AHRR: variants seen among roughly 807,000 people sequenced by gnomAD.
AHRR encodes ahR repressor.
AHRR carries 28 observed loss-of-function variants against 44.0 expected under a neutral mutation model. The ratio of observed to expected loss-of-function variants is 0.64; its 90% CI spans 0.47 to 0.87. AHRR has a LOEUF of 0.87. AHRR is among the 40% of genes least tolerant of loss of function. AHRR has a pLI of 0.00. For synonymous variants in AHRR, 434 were observed against 407.0 expected, an observed-to-expected ratio of 1.07 and a Z score of -0.80; for missense variants, 990 against 953.9, an observed-to-expected ratio of 1.04 and a Z score of -0.50.
At chr5:390,142 C>T (rs556131020) in intron 4 of AHRR, among the ~76,000 whole-genome samples, 10 of 152,226 alleles carry the variant, frequency 6.6e-5, no homozygotes, top group South Asian at 2.1e-4. Context: ...TGTGGCACAA[C>T]GCGGGGACTG....
At chr5:385,870 T>A (rs914255521) in intron 4 of AHRR, among the ~76,000 whole-genome samples, 6 of 152,226 alleles carry the variant, frequency 3.9e-5, no homozygotes, top group Admixed American at 3.9e-4. Flanking sequence ...CTTTTTAATA[T>A]TTCCTCACAG....
At position 343,925 on chromosome 5, in the gene AHRR, C is replaced by T. The variant is rs1379775655; in HGVS notation, c.23C>T (p.Thr8Met). ...ACGATGATCCCGCCGGGGGAGTGCA[C>T]GTACGCGGGCCGGAAGCGGAGGAGG... MIPPGEC[T>M]YAGRKRRRPL... The change falls in exon 2 of 11, where the codon ACG (threonine) becomes ATG (methionine). Residue 8 changes from threonine to methionine, a missense_variant. By Grantham distance (81) the Thr-to-Met change is moderately conservative. Coordinates refer to ENST00000684583, the MANE Select transcript of AHRR (RefSeq NM_001377236.1). 1 of 1,600,404 alleles carries T rather than the reference C, an allele frequency of 6.2e-7. No homozygotes were observed. The highest frequency in any genetic ancestry group is 1.7e-5 in the Admixed American group (1 of 59,456).
At chr5:352,194 G>C (rs1397785339) in intron 2 of AHRR, among the ~76,000 whole-genome samples, 2 of 152,270 alleles carry the variant, frequency 1.3e-5, no homozygotes, top group Non-Finnish European at 2.9e-5. Context: ...TGGTTAAATA[G>C]GTCAGCTGTA....
chr5:411,755 TACTGCTG>T lies in AHRR; in HGVS notation c.352-1586_352-1580del, dbSNP rs1427218455. 6.6e-6 allele frequency among the ~76,000 whole-genome samples: 1 copy of T among 152,222 alleles called. No homozygotes were observed. The highest frequency in any genetic ancestry group is 2.4e-5 in the African/African-American group (1 of 41,460). ...ATTTAAGGGAAATTAGTATATAGTA[TACTGCTG>T]ACAGCCACAAACATCATGGGAGTTA... On this transcript the variant is annotated intron_variant, in intron 4 of 10. Coordinates refer to ENST00000684583, the MANE Select transcript of AHRR (RefSeq NM_001377236.1). This position sits in a 1 kb window ranked among gnomAD's most constrained non-coding sequence, Gnocchi z 4.2.
At chr5:373,564 C>T (rs1743652529) in intron 3 of AHRR, among the ~76,000 whole-genome samples, 1 of 152,210 alleles carries the variant, frequency 6.6e-6, no homozygotes, top group African/African-American at 2.4e-5. Flanking sequence ...CCTCCCCATC[C>T]ACTCACCATG....
At chr5:424,860 C>T (rs564748157) in intron 7 of AHRR, among the ~76,000 whole-genome samples, 40 of 152,208 alleles carry the variant, frequency 2.6e-4, no homozygotes, top group Non-Finnish European at 4.6e-4. Context: ...TCCTCCCCAT[C>T]GGACATGTCA....
chr5:389,284 G>T (rs1734304771), intron 4 of AHRR, among the ~76,000 whole-genome samples: 1 of 152,174 alleles, frequency 6.6e-6, no homozygotes. Context: ...TTTAAGGGAA[G>T]AGGCTGTGAA....
intron 6 of AHRR, among the ~76,000 whole-genome samples, chr5:423,557 CA>C (rs61467026): frequency 0.073 from 11,109 of 152,232 alleles, 486 homozygotes; most frequent in Admixed American, 0.13. Flanking sequence ...CAGCAAAGCC[CA>C]GGCACCTACA....
rs1426441989 is a variant in AHRR at position 432,477 on chromosome 5, C to T, written c.923C>T (p.Thr308Ile). 6.2e-7 allele frequency: 1 copy of T among 1,614,198 alleles called. No homozygotes were observed. Among genetic ancestry groups the T allele is most frequent in the Admixed American group, 1.7e-5 (1 of 60,034 alleles). ...ATADAKVKAT[T>I]SLCESELHGK... is the part of the protein sequence containing the mutation. ...GTTCTTCACAGAGTAAAAGCCACCA[C>T]CAGTCTGTGCGAATCGGAACTGCAT... Residue 308 changes from threonine to isoleucine, a missense_variant, in exon 9 of 11, where the codon ACC becomes ATC. Transcript: ENST00000684583.
chr5:355,736 C>T (rs774794787), intron 3 of AHRR, among the ~76,000 whole-genome samples: 3 of 152,222 alleles, frequency 2.0e-5, no homozygotes, highest in Admixed American at 6.5e-5. Context: ...GGATGGCCAT[C>T]CTGTGCAGGG....
intron 4 of AHRR, among the ~76,000 whole-genome samples, chr5:401,517 G>A (rs1170763142): frequency 2.6e-5 from 4 of 152,236 alleles, no homozygotes; most frequent in East Asian, 1.9e-4. Flanking sequence ...AGGCAGGGAC[G>A]ATCCTGGGCC....
intron 4 of AHRR, among the ~76,000 whole-genome samples, chr5:396,395 GGGGTACTGAGGCGGGC>G (rs940793680): frequency 1.3e-5 from 2 of 152,152 alleles, no homozygotes; most frequent in African/African-American, 4.8e-5. Context: ...TGTGTGTCTG[GGGGTACTGAGGCGGGC>G]GGCCCCAGCC....
At chr5:349,922 G>A (rs940103050) in intron 2 of AHRR, among the ~76,000 whole-genome samples, 15 of 152,192 alleles carry the variant, frequency 9.9e-5, no homozygotes, top group African/African-American at 3.6e-4. Flanking sequence ...GTCCAATGAA[G>A]ACCCAAGGAA....
chr5:432,599 C>T (rs2126549852), intron 9 of AHRR, 75 bp downstream of exon 9: 1 of 1,554,390 alleles, frequency 6.4e-7, no homozygotes, highest in Non-Finnish European at 8.9e-7. Context: ...GCTTCCCCGC[C>T]CAGTGGAGAT....
At position 337,358 on chromosome 5, in the gene AHRR, C is replaced by T. The variant is rs1040461422; in HGVS notation, c.-10-6535C>T. 2.0e-5 allele frequency among the ~76,000 whole-genome samples: 3 copies of T among 152,120 alleles called. No individual in the cohort carries two copies. Among genetic ancestry groups the T allele is most frequent in the Non-Finnish European group, 4.4e-5 (3 of 68,018 alleles). On this transcript the variant is annotated intron_variant, in intron 1 of 10. Coordinates refer to ENST00000684583, the MANE Select transcript of AHRR (RefSeq NM_001377236.1). The surrounding 1 kb of genome is among the most constrained non-coding windows in gnomAD (Gnocchi z 4.1). Reference sequence around the variant, plus strand: ...AAACGTGGATTTTAAAAAATCAGCTCTCTGTTTTTCTTTATGTGTATGTAT... The same window carrying T: ...AAACGTGGATTTTAAAAAATCAGCTTTCTGTTTTTCTTTATGTGTATGTAT...
At chr5:345,412 CTGTG>C (rs1306383014) in intron 2 of AHRR, among the ~76,000 whole-genome samples, 1 of 79,792 alleles carries the variant, frequency 1.3e-5, no homozygotes, top group Non-Finnish European at 2.1e-5. Flanking sequence ...ATGTCCCTGG[CTGTG>C]TGTGTGTGTG....
Position 399,974 on chromosome 5 carries a change from C to T in AHRR, c.352-13370C>T, listed in dbSNP as rs896492653. Among the ~76,000 whole-genome samples, 30 of 152,250 alleles carry T rather than the reference C, an allele frequency of 2.0e-4. 1 individual carries two copies. Among genetic ancestry groups the T allele is most frequent in the African/African-American group, 6.3e-4 (26 of 41,476 alleles). On this transcript the variant is annotated intron_variant, in intron 4 of 10. Coordinates refer to ENST00000684583, the MANE Select transcript of AHRR (RefSeq NM_001377236.1). ...AAGCAAGAGCGCTGCCTCGCACGCA[C>T]GCAAGCCCCATGGAGCGGCCCCTGT...
intron 1 of AHRR, among the ~76,000 whole-genome samples, chr5:335,881 C>T (rs990442071): frequency 2.0e-5 from 3 of 152,246 alleles, no homozygotes; most frequent in Admixed American, 6.5e-5. Context: ...TTGCTCAAGT[C>T]CTGGGGGTGG....
intron 1 of AHRR, among the ~76,000 whole-genome samples, chr5:331,391 T>TAATG (rs57807067): frequency 0.65 from 99,160 of 151,666 alleles, 32,953 homozygotes; most frequent in African/African-American, 0.7. Flanking sequence ...GGTATTAGTG[T>TAATG]TTTCCTTTTT....
Sources: gnomAD v4.1 joint callset for allele counts (sites outside exome capture counted in the v4.1 genomes callset) on GRCh38, gnomAD v4.1.1 for gene constraint, Gnocchi (gnomAD v3.1) non-coding constraint, MANE v1.5 for transcripts, NCBI Gene and HGNC (gene_info 2026-07-23, HGNC 2026-07-21) for gene names.